TULP4: variants seen among roughly 807,000 people sequenced by gnomAD.
TULP4 encodes tubby-related protein 4.
A neutral mutation model predicts 129.0 loss-of-function variants in TULP4; 16 were observed. The observed-to-expected ratio is 0.12, with a 90% CI of 0.08 to 0.19. The LOEUF is 0.19. Among genes scored for constraint, TULP4 ranks in the 10% least tolerant of loss-of-function variants. The probability of loss-of-function intolerance (pLI) is 1.00; values close to 1 mark genes in which losing one functional copy is unlikely to be tolerated. For missense variants in TULP4, 1,842 were observed against 2,059.1 expected, an observed-to-expected ratio of 0.89 and a Z score of 2.04; for synonymous variants, 998 against 854.0, an observed-to-expected ratio of 1.17 and a Z score of -2.94.
At chr6:158,274,855 G>T (rs980359704) in intron 1 of TULP4, among the ~76,000 whole-genome samples, 1 of 152,164 alleles carries the variant, frequency 6.6e-6, no homozygotes, top group Admixed American at 6.5e-5. Context: ...CCTTTCTGTT[G>T]CCTACAGGCC....
At chr6:158,469,297 A>G (rs1010067641) in intron 6 of TULP4, among the ~76,000 whole-genome samples, 1 of 150,986 alleles carries the variant, frequency 6.6e-6, no homozygotes, top group Middle Eastern at 3.4e-3. Context: ...TTCTCGAGAC[A>G]GGATCTCACT....
chr6:158,453,482 T>A (rs1779209833), intron 5 of TULP4, among the ~76,000 whole-genome samples: 1 of 31,834 alleles, frequency 3.1e-5, no homozygotes, highest in Non-Finnish European at 4.8e-5. Context: ...AGACTCTGTC[T>A]CACAAAAAAA....
intron 1 of TULP4, among the ~76,000 whole-genome samples, chr6:158,365,402 AT>A (rs201158750): frequency 0.013 from 1,797 of 134,462 alleles, 38 homozygotes; most frequent in African/African-American, 0.04. Context: ...GTTTCTAAAA[AT>A]TTTTTTTTTT....
intron 1 of TULP4, among the ~76,000 whole-genome samples, chr6:158,295,701 A>G (rs1779015978): frequency 6.6e-6 from 1 of 152,168 alleles, no homozygotes; most frequent in Non-Finnish European, 1.5e-5. Context: ...CATGCTGGCT[A>G]ACACAGTGAA....
chr6:158,407,879 G>A (rs1330399254), intron 1 of TULP4, among the ~76,000 whole-genome samples: 1 of 152,132 alleles, frequency 6.6e-6, no homozygotes, highest in South Asian at 2.1e-4. Flanking sequence ...TGAGGGTTGA[G>A]GTAGATGTTC....
chr6:158,365,886 T>C (rs1485791467), intron 1 of TULP4, among the ~76,000 whole-genome samples: 1 of 135,562 alleles, frequency 7.4e-6, no homozygotes, highest in African/African-American at 2.7e-5. Context: ...TTTTTTTTTT[T>C]TTCTTTTTCT....
intron 1 of TULP4, among the ~76,000 whole-genome samples, chr6:158,300,508 T>A (rs911857633): frequency 6.6e-6 from 1 of 152,230 alleles, no homozygotes; most frequent in African/African-American, 2.4e-5. Flanking sequence ...CCCTGAGGAT[T>A]GTAAGTTACT....
Position 158,506,777 on chromosome 6 carries a change from C to CTCCCAGGCATCG in TULP4, c.*83_*84insTCCCAGGCATCG. The CTCCCAGGCATCG allele has an allele frequency of 1.0e-6, 1 of 972,940 alleles. No individual in the cohort carries two copies. Among genetic ancestry groups the CTCCCAGGCATCG allele is most frequent in the Non-Finnish European group, 1.6e-6 (1 of 622,140 alleles). 60.3% of individuals were successfully genotyped at this position (972,940 alleles called of 1,614,324 possible). On this transcript the variant is annotated 3_prime_UTR_variant, in exon 14 of 14. Coordinates refer to ENST00000367097, the MANE Select transcript of TULP4 (RefSeq NM_020245.5). Reference sequence around the variant, plus strand: ...ATGCCAGAGGAGCCCTCTAGGGGTCCGATGCCTGGGAGGACCAGAAGCCAA... The same window carrying CTCCCAGGCATCG: ...ATGCCAGAGGAGCCCTCTAGGGGTCCTCCCAGGCATCGGATGCCTGGGAGGACCAGAAGCCAA...
chr6:158,285,046 T>C (rs1778812412), intron 1 of TULP4, among the ~76,000 whole-genome samples: 1 of 152,192 alleles, frequency 6.6e-6, no homozygotes, highest in Non-Finnish European at 1.5e-5. Context: ...GCTGGTATGA[T>C]TCTCAAGGTC....
intron 1 of TULP4, among the ~76,000 whole-genome samples, chr6:158,385,840 A>ATTTTTTTTTTTT (rs1397821107): frequency 2.1e-4 from 7 of 34,020 alleles, no homozygotes; most frequent in South Asian, 1.1e-3. Flanking sequence ...AATGTGGAAT[A>ATTTTTTTTTTTT]TCTTTTTTTT....
At position 158,243,029 on chromosome 6, in the gene TULP4, C is replaced by T. The variant is rs542846899; in HGVS notation, n.68+10726C>T. Among the ~76,000 whole-genome samples the T allele has an allele frequency of 2.0e-4, 31 of 152,174 alleles. 1 individual carries two copies. Among genetic ancestry groups the T allele is most frequent in the Middle Eastern group, 3.4e-3 (1 of 294 alleles). ...GTCTCGAACTCCTGACTTCGTGATC[C>T]GCCCGCCTCGGCCTCCCAAAGTGCT... On this transcript the variant is annotated intron_variant and non_coding_transcript_variant, in intron 1 of 1. Transcript: ENST00000620026.
At chr6:158,366,616 G>A (rs2114858846) in intron 1 of TULP4, among the ~76,000 whole-genome samples, 1 of 152,284 alleles carries the variant, frequency 6.6e-6, no homozygotes, top group South Asian at 2.1e-4. Context: ...TCCTGTTTCT[G>A]AACAGTAGAG....
In TULP4 at chr6:158,402,965, A is replaced by G. The variant is rs181618334; in HGVS notation, c.253-10100A>G. On this transcript the variant is annotated intron_variant, in intron 1 of 13. Transcript: ENST00000367097. ...ACAGCACACAATAAACATCTCAATGATTTGTTTTGTGTTTACTTAAAACAA... is the reference window on the plus strand; with the variant it reads ...ACAGCACACAATAAACATCTCAATGGTTTGTTTTGTGTTTACTTAAAACAA... Among the ~76,000 whole-genome samples the G allele has an allele frequency of 3.7e-3, 556 of 149,760 alleles. 3 individuals are homozygous for G. Among genetic ancestry groups the G allele is most frequent in the African/African-American group, 0.013 (526 of 40,666 alleles).
chr6:158,489,527 T>C (rs1780149162), intron 8 of TULP4, 61 bp from the exon 9 acceptor site: 2 of 1,600,334 alleles, frequency 1.2e-6, no homozygotes, highest in South Asian at 2.2e-5. Context: ...ATAGTAATGA[T>C]CATTGGTAGG....
intron 1 of TULP4, among the ~76,000 whole-genome samples, chr6:158,373,754 A>T (rs1777122027): frequency 6.6e-6 from 1 of 152,188 alleles, no homozygotes; most frequent in Non-Finnish European, 1.5e-5. Context: ...CTACCTTGTC[A>T]TATAGTGTGT....
At chr6:158,268,331 AC>A (rs1468192633) in intron 1 of TULP4, among the ~76,000 whole-genome samples, 1 of 151,924 alleles carries the variant, frequency 6.6e-6, no homozygotes, top group Non-Finnish European at 1.5e-5. Flanking sequence ...GAGCCACTGC[AC>A]CCGGCCTTGT....
chr6:158,237,956 C>A, intron 1 of TULP4: 1 of 728,646 alleles, frequency 1.4e-6, no homozygotes, highest in South Asian at 1.4e-5. Flanking sequence ...TCCTCCCGCC[C>A]ATATTTGAGC....
At chr6:158,425,542 G>T (rs1026319915) in intron 2 of TULP4, among the ~76,000 whole-genome samples, 4 of 146,226 alleles carry the variant, frequency 2.7e-5, no homozygotes, top group African/African-American at 1.0e-4. Flanking sequence ...AAAAATGGCA[G>T]CCGACGCAAG....
chr6:158,503,152 G>A lies in TULP4; in HGVS notation c.3489G>A (p.Val1163=). The change falls in exon 13 of 14, where the codon GTG becomes GTA. Residue 1163 remains valine, a synonymous_variant. Transcript: ENST00000367097. The surrounding 1 kb of genome is among the most constrained non-coding windows in gnomAD (Gnocchi z 4.3). ...LMLSQGQHLD[V]SRLPFISPKS... ...TGAGTCAGGGCCAGCACCTGGACGT[G>A]TCCCGACTGCCCTTCATCTCCCCCA... The A allele has an allele frequency of 6.2e-7, 1 of 1,613,530 alleles. No homozygotes were observed. The highest frequency in any genetic ancestry group is 1.1e-5 in the South Asian group (1 of 91,028).
Sources: allele counts gnomAD v4.1 joint callset (sites outside exome capture counted in the v4.1 genomes callset), GRCh38; gene constraint gnomAD v4.1.1; non-coding constraint Gnocchi (gnomAD v3.1); transcripts MANE v1.5; gene names NCBI Gene and HGNC (gene_info 2026-07-23, HGNC 2026-07-21).